The following TSHR variants were observed in gnomAD, a reference collection of about 807,000 sequenced individuals.
TSHR encodes the protein thyrotropin receptor.
A neutral mutation model predicts 64.1 loss-of-function variants in TSHR; 51 were observed. That is an observed-to-expected ratio of 0.80 (90% confidence interval 0.64 to 1.01). TSHR has a LOEUF of 1.01. Ranked by LOEUF, TSHR falls within the 50% of genes least tolerant of loss-of-function variation. The pLI, the probability that TSHR is intolerant of heterozygous loss-of-function variation, is 0.00. For synonymous variants in TSHR, 361 were observed against 361.9 expected, an observed-to-expected ratio of 1.00 and a Z score of 0.03; for missense variants, 877 against 942.8, an observed-to-expected ratio of 0.93 and a Z score of 0.91.
intron 3 of TSHR, 54 bp downstream of exon 3, chr14:81,068,382 A>G: frequency 3.2e-6 from 5 of 1,560,268 alleles, no homozygotes; most frequent in Non-Finnish European, 4.4e-6. Flanking sequence ...CTCTTGACTG[A>G]TAATCTTGGG....
At chr14:80,956,002 G>T (rs1886657387) in intron 1 of TSHR, 152 bp downstream of exon 1, 2 of 936,108 alleles carry the variant, frequency 2.1e-6, no homozygotes, top group Non-Finnish European at 3.3e-6. Context: ...AGATGTGTGT[G>T]TGTGCTAAAA....
rs911368472 is a variant in TSHR, at chr14:81,108,657, C to T, written c.692+205C>T. 6 of 1,613,838 alleles carry T rather than the reference C, an allele frequency of 3.7e-6. No individual in the cohort carries two copies. In the African/African-American group the frequency reaches 8.0e-5, roughly 22 times the overall value. Reference sequence around the variant, plus strand: ...CCTTGTCCTTTGAGACTCAGAAGGCCCCACGCTCCAGTATGCCATCATGAT... The same window carrying T: ...CCTTGTCCTTTGAGACTCAGAAGGCTCCACGCTCCAGTATGCCATCATGAT... On this transcript the variant is annotated intron_variant, in intron 8 of 9. Coordinates refer to ENST00000298171, the MANE Select transcript of TSHR (RefSeq NM_000369.5).
chr14:81,041,839 T>C (rs1016108209), intron 1 of TSHR, among the ~76,000 whole-genome samples: 1 of 152,132 alleles, frequency 6.6e-6, no homozygotes, highest in African/African-American at 2.4e-5. Flanking sequence ...ACTATACAGG[T>C]TTCTAGCCTA....
At position 80,970,543 on chromosome 14, in the gene TSHR, G is replaced by A. The variant is rs1202363726; in HGVS notation, c.170+14693G>A. On this transcript the variant is annotated intron_variant, in intron 1 of 9. Transcript: ENST00000298171. ...CATTCTCTTCTTGGGACCTGCTGGCGAGTCCACAGAATATCCTTGTCCAGG... is the reference window on the plus strand; with the variant it reads ...CATTCTCTTCTTGGGACCTGCTGGCAAGTCCACAGAATATCCTTGTCCAGG... Among the ~76,000 whole-genome samples, 8 of 152,202 alleles carry A rather than the reference G, an allele frequency of 5.3e-5. No homozygotes were observed. In the East Asian group the frequency reaches 1.2e-3, roughly 22 times the overall value.
At chr14:81,030,542 C>T (rs1224301993) in intron 1 of TSHR, among the ~76,000 whole-genome samples, 1 of 152,008 alleles carries the variant, frequency 6.6e-6, no homozygotes, top group East Asian at 1.9e-4. Context: ...ATACAAGCAC[C>T]TTTTAAAAAT....
intron 8 of TSHR, among the ~76,000 whole-genome samples, chr14:81,114,321 T>C (rs1387504853): frequency 6.6e-6 from 1 of 152,096 alleles, no homozygotes; most frequent in African/African-American, 2.4e-5. Context: ...AGTGGGTGCG[T>C]GCACTGTGCG....
At chr14:81,119,787 C>G (rs1890705869) in intron 8 of TSHR, among the ~76,000 whole-genome samples, 1 of 103,712 alleles carries the variant, frequency 9.6e-6, no homozygotes, top group Admixed American at 1.0e-4. Context: ...CCCAAATGTC[C>G]AGCAAGGATA....
chr14:81,011,442 T>C (rs1889902312), intron 1 of TSHR, among the ~76,000 whole-genome samples: 1 of 152,150 alleles, frequency 6.6e-6, no homozygotes, highest in Non-Finnish European at 1.5e-5. Flanking sequence ...TTTTAAAAGC[T>C]TTGAAGATAA....
chr14:81,065,760 A>G (rs1207051797), intron 2 of TSHR, among the ~76,000 whole-genome samples: 1 of 152,220 alleles, frequency 6.6e-6, no homozygotes, highest in Admixed American at 6.5e-5. Flanking sequence ...TGTTCAATAC[A>G]TATTTGTGGA....
chr14:81,029,762 G>A (rs554977238), intron 1 of TSHR, among the ~76,000 whole-genome samples: 17 of 151,922 alleles, frequency 1.1e-4, no homozygotes, highest in Non-Finnish European at 2.4e-4. Flanking sequence ...ATAATAACTT[G>A]GCCTTTCTTA....
At chr14:81,068,504 A>T in intron 3 of TSHR, 176 bp downstream of exon 3, 3 of 618,928 alleles carry the variant, frequency 4.8e-6, no homozygotes, top group Non-Finnish European at 8.7e-6. Flanking sequence ...TCTTCATTAC[A>T]CCTCAATTCC....
At chr14:81,083,297 AACTGC>A (rs547080913) in intron 3 of TSHR, among the ~76,000 whole-genome samples, 79 of 152,328 alleles carry the variant, frequency 5.2e-4, no homozygotes, top group African/African-American at 1.9e-3. Context: ...AAGTGAACCT[AACTGC>A]ATGCTGAATT....
intron 1 of TSHR, among the ~76,000 whole-genome samples, chr14:81,038,239 G>C (rs1023235196): frequency 6.6e-6 from 1 of 151,488 alleles, no homozygotes; most frequent in Non-Finnish European, 1.5e-5. Flanking sequence ...ACAACCAATG[G>C]GCCAATCAAA....
chr14:81,045,073 A>G (rs1261455600), intron 1 of TSHR, among the ~76,000 whole-genome samples: 3 of 152,218 alleles, frequency 2.0e-5, no homozygotes, highest in Admixed American at 1.3e-4. Context: ...GGCCATAAAA[A>G]GGAATGAGAT....
intron 3 of TSHR, among the ~76,000 whole-genome samples, chr14:81,071,779 A>G (rs1258019199): frequency 6.6e-6 from 1 of 152,168 alleles, no homozygotes; most frequent in Non-Finnish European, 1.5e-5. Flanking sequence ...ATAAATAAAT[A>G]AATAAATAGT....
At chr14:80,978,137 G>GCACA (rs1566745507) in intron 1 of TSHR, among the ~76,000 whole-genome samples, 10 of 146,342 alleles carry the variant, frequency 6.8e-5, no homozygotes, top group African/African-American at 2.3e-4. Context: ...ACACATGCAT[G>GCACA]TGCACTTTTC....
At chr14:80,977,338 G>A (rs185902883) in intron 1 of TSHR, among the ~76,000 whole-genome samples, 7 of 152,352 alleles carry the variant, frequency 4.6e-5, no homozygotes, top group African/African-American at 1.4e-4. Flanking sequence ...GATCCCTGTT[G>A]TACTGCTCAG....
chr14:81,026,918 C>T (rs1439394202), intron 1 of TSHR, among the ~76,000 whole-genome samples: 1 of 151,798 alleles, frequency 6.6e-6, no homozygotes, highest in Non-Finnish European at 1.5e-5. Context: ...CACCTATAAT[C>T]CCAGCTATTT....
At chr14:81,092,463 G>T in intron 5 of TSHR, 68 bp from the exon 6 acceptor site, 3 of 1,402,702 alleles carry the variant, frequency 2.1e-6, no homozygotes, top group Non-Finnish European at 3.0e-6. Flanking sequence ...GTGCATATGC[G>T]CAGCAAGACC....
Sources: allele counts gnomAD v4.1 joint callset (sites outside exome capture counted in the v4.1 genomes callset), GRCh38; gene constraint gnomAD v4.1.1; transcripts MANE v1.5; gene names NCBI Gene and HGNC (gene_info 2026-07-23, HGNC 2026-07-21).